TRAM1: variants seen among roughly 807,000 people sequenced by gnomAD.
The protein encoded by TRAM1 is translocating chain-associated membrane protein 1.
In TRAM1, 17 loss-of-function variants were observed where a neutral mutation model predicts 48.7. The ratio of observed to expected loss-of-function variants is 0.35; its 90% confidence interval spans 0.24 to 0.52. The LOEUF is 0.52. Among genes scored for constraint, TRAM1 ranks in the 20% least tolerant of loss-of-function variants. The pLI, the probability that TRAM1 is intolerant of heterozygous loss-of-function variation, is 0.94. For missense variants in TRAM1, 351 were observed against 441.5 expected, an observed-to-expected ratio of 0.79 and a Z score of 1.84; for synonymous variants, 182 against 154.0, an observed-to-expected ratio of 1.18 and a Z score of -1.34.
Position 70,583,299 on chromosome 8 carries a change from C to T in TRAM1, c.916G>A (p.Val306Ile), listed in dbSNP as rs61758085. Residue 306 changes from valine to isoleucine, a missense_variant, in exon 10 of 11, where the codon GTT (valine) becomes ATT (isoleucine). Coordinates refer to ENST00000262213, the MANE Select transcript of TRAM1 (RefSeq NM_014294.6). Reference protein sequence around the residue: ...VRIAVLASICVTQAFMMWKFI... With the variant: ...VRIAVLASICITQAFMMWKFI... ...TTCCACATCATAAATGCCTGAGTAA[C>T]GCAAATGGATGCCAGAACAGCGATT... The T allele has an allele frequency of 1.9e-4, 299 of 1,613,436 alleles. No individual in the cohort carries two copies. Among genetic ancestry groups the T allele is most frequent in the Non-Finnish European group, 2.0e-4 (232 of 1,179,852 alleles).
intron 6 of TRAM1, among the ~76,000 whole-genome samples, chr8:70,588,255 T>G (rs917620454): frequency 6.6e-6 from 1 of 151,954 alleles, no homozygotes; most frequent in African/African-American, 2.4e-5. Flanking sequence ...GAAATCAATT[T>G]AGGGGTCACA....
chr8:70,595,903 G>T (rs927542970), intron 5 of TRAM1, among the ~76,000 whole-genome samples: 1 of 151,842 alleles, frequency 6.6e-6, no homozygotes, highest in Non-Finnish European at 1.5e-5. Flanking sequence ...GAGAAAGAAA[G>T]GAAGATGTGA....
In TRAM1 at chr8:70,598,235, C is replaced by G. The variant is rs369606604; in HGVS notation, c.208G>C (p.Val70Leu). 2.6e-5 allele frequency: 42 copies of G among 1,609,512 alleles called. No homozygotes were observed. The highest frequency in any genetic ancestry group is 2.6e-5 in the Non-Finnish European group (31 of 1,177,958). ...PATEEQATES[V>L]SLYYYGIKDL... ...TTGATGCCATAGTAATAAAGGGACACTGATTCAGTAGCTTGTTCTTCTGAA... is the reference window on the plus strand; with the variant it reads ...TTGATGCCATAGTAATAAAGGGACAGTGATTCAGTAGCTTGTTCTTCTGAA... The change falls in exon 3 of 11, where the codon GTG becomes CTG. Residue 70 changes from valine (V) to leucine (L), a missense_variant. Transcript: ENST00000262213.
intron 1 of TRAM1, chr8:70,607,286 A>C: frequency 5.1e-6 from 5 of 985,298 alleles, no homozygotes; most frequent in Non-Finnish European, 6.0e-6. Context: ...TGACATTCCC[A>C]TCCTCTCCTA....
At chr8:70,606,763 T>C (rs918069466) in intron 1 of TRAM1, 10 of 390,846 alleles carry the variant, frequency 2.6e-5, no homozygotes, top group Admixed American at 1.9e-4. Flanking sequence ...AATATCTGTA[T>C]CTAGATCCAG....
At chr8:70,607,255 G>A in intron 1 of TRAM1, 7 of 984,928 alleles carry the variant, frequency 7.1e-6, no homozygotes, top group Non-Finnish European at 8.4e-6. Flanking sequence ...TAGATACGTG[G>A]GAAGAGAATT....
rs1816906169 is a variant in TRAM1 at position 70,574,657 on chromosome 8, T to C, written c.*275A>G. On this transcript the variant is annotated 3_prime_UTR_variant, in exon 11 of 11. Transcript: ENST00000262213. ...TGTAAATAGTTTTCTCTCCAAATCA[T>C]TAGAAAAATGTTCAAAAATAAAAAC... 3.7e-6 allele frequency: 1 copy of C among 267,642 alleles called. No homozygotes were observed. Among genetic ancestry groups the C allele is most frequent in the Admixed American group, 5.5e-5 (1 of 18,210 alleles). 16.6% of individuals were successfully genotyped at this position (267,642 alleles called of 1,614,324 possible).
chr8:70,590,922 A>C (rs1817341436), intron 6 of TRAM1, among the ~76,000 whole-genome samples: 1 of 152,146 alleles, frequency 6.6e-6, no homozygotes, highest in Non-Finnish European at 1.5e-5. Flanking sequence ...AGAATGGGTA[A>C]ATACTTGTGT....
intron 10 of TRAM1, among the ~76,000 whole-genome samples, chr8:70,582,366 T>A (rs1282377438): frequency 1.3e-5 from 2 of 151,394 alleles, no homozygotes; most frequent in Non-Finnish European, 2.9e-5. Context: ...ATGATCATTG[T>A]GCACTGTAAC....
intron 1 of TRAM1, chr8:70,607,624 G>A (rs1817773210): frequency 2.8e-6 from 1 of 352,704 alleles, no homozygotes; most frequent in Non-Finnish European, 4.0e-6. Context: ...GGCCTTCCCC[G>A]GCCCTCGCGG....
At chr8:70,606,578 A>AT (rs1242193850) in intron 1 of TRAM1, among the ~76,000 whole-genome samples, 2 of 152,158 alleles carry the variant, frequency 1.3e-5, no homozygotes, top group African/African-American at 2.4e-5. Flanking sequence ...AGGTGATATT[A>AT]TTTCCTGATA....
intron 2 of TRAM1, among the ~76,000 whole-genome samples, chr8:70,599,539 T>G (rs1002392660): frequency 6.6e-6 from 1 of 152,190 alleles, no homozygotes; most frequent in Non-Finnish European, 1.5e-5. Context: ...TCCTAGAGCT[T>G]ACTAACACAT....
chr8:70,589,721 C>T (rs1223643436), intron 6 of TRAM1, among the ~76,000 whole-genome samples: 4 of 152,000 alleles, frequency 2.6e-5, no homozygotes, highest in African/African-American at 9.7e-5. Flanking sequence ...GCCTGTACTT[C>T]CAGCCACTTG....
In TRAM1 at chr8:70,608,125, G is replaced by A. The variant is rs755856681; in HGVS notation, c.75C>T (p.Asp25=). 1.2e-6 allele frequency: 2 copies of A among 1,600,274 alleles called. No homozygotes were observed. The highest frequency in any genetic ancestry group is 2.7e-5 in the African/African-American group (2 of 73,044). ...SHEFVLQNHA[D]IVSCVAMVFL... ...AGACCATCGCCACACAGGAGACGAT[G>A]TCCGCGTGATTCTGCAGGACGAATT... Residue 25 remains aspartate, a synonymous_variant, in exon 1 of 11, where the codon GAC becomes GAT. Transcript: ENST00000262213.
intron 4 of TRAM1, among the ~76,000 whole-genome samples, 171 bp from the exon 5 acceptor site, chr8:70,596,492 T>C (rs1817489633): frequency 1.3e-5 from 2 of 152,158 alleles, no homozygotes; most frequent in Admixed American, 1.3e-4. Flanking sequence ...TTTGAGTTGG[T>C]TACTTGAGCA....
intron 1 of TRAM1, chr8:70,607,427 A>C (rs1817763610): frequency 1.0e-6 from 1 of 985,376 alleles, no homozygotes; most frequent in Admixed American, 6.1e-5. Context: ...TTTAAAAGAC[A>C]AAAATGAAAA....
chr8:70,579,540 T>A (rs1484512399), intron 10 of TRAM1, among the ~76,000 whole-genome samples: 1 of 152,218 alleles, frequency 6.6e-6, no homozygotes, highest in Non-Finnish European at 1.5e-5. Context: ...CCAACTTGGA[T>A]GCATGTCAGA....
intron 4 of TRAM1, 67 bp from the exon 5 acceptor site, chr8:70,596,388 C>T: frequency 8.3e-7 from 1 of 1,204,874 alleles, no homozygotes; most frequent in African/African-American, 1.6e-5. Context: ...TAAGGCATTA[C>T]TTTCATTTCT....
chr8:70,589,327 G>A (rs1005137668), intron 6 of TRAM1, among the ~76,000 whole-genome samples: 5 of 152,186 alleles, frequency 3.3e-5, no homozygotes, highest in Non-Finnish European at 7.3e-5. Context: ...AAAGGAAGGA[G>A]AAAGGGTGTT....
Sources: allele counts gnomAD v4.1 joint callset (sites outside exome capture counted in the v4.1 genomes callset), GRCh38; gene constraint gnomAD v4.1.1; transcripts MANE v1.5; gene names NCBI Gene and HGNC (gene_info 2026-07-23, HGNC 2026-07-21).